CSMD1: variants seen among roughly 807,000 people sequenced by gnomAD.
CSMD1 encodes the protein CUB and Sushi multiple domains 1.
Under a neutral mutation model 417.5 loss-of-function variants are expected in CSMD1, and 213 were observed. The observed-to-expected ratio is 0.51, with a 90% CI of 0.46 to 0.57. The LOEUF (loss-of-function observed/expected upper bound fraction) is 0.57. CSMD1 is among the 20% of genes least tolerant of loss of function. The pLI, the probability that CSMD1 is intolerant of heterozygous loss-of-function variation, is 0.00. For missense variants in CSMD1, 6,923 were observed against 4,529.7 expected, an observed-to-expected ratio of 1.53 and a Z score of -15.17; for synonymous variants, 2,862 against 1,736.8, an observed-to-expected ratio of 1.65 and a Z score of -16.11.
At chr8:3,542,861 C>T (rs530318982) in intron 10 of CSMD1, among the ~76,000 whole-genome samples, 22 of 152,308 alleles carry the variant, frequency 1.4e-4, no homozygotes, top group African/African-American at 5.3e-4. Flanking sequence ...GAGCTGCTTT[C>T]CCGTGTCCCT....
At chr8:4,588,853 A>C (rs868587902) in intron 2 of CSMD1, among the ~76,000 whole-genome samples, 17 of 152,130 alleles carry the variant, frequency 1.1e-4, no homozygotes, top group Non-Finnish European at 2.2e-4. Flanking sequence ...GCTGCTGCTC[A>C]AGCTTCCACT....
intron 2 of CSMD1, among the ~76,000 whole-genome samples, chr8:4,626,354 A>C (rs1169302978): frequency 1.3e-5 from 2 of 151,756 alleles, no homozygotes; most frequent in Non-Finnish European, 2.9e-5. Flanking sequence ...TTTTAATGCT[A>C]CTGATTTCTA....
chr8:4,600,909 T>A (rs1460956149), intron 2 of CSMD1, among the ~76,000 whole-genome samples: 1 of 152,124 alleles, frequency 6.6e-6, no homozygotes, highest in African/African-American at 2.4e-5. Context: ...AAGAAAAATA[T>A]TAAAGTAATG....
chr8:3,372,902 T>A (rs187996045), intron 18 of CSMD1, among the ~76,000 whole-genome samples: 7 of 152,170 alleles, frequency 4.6e-5, no homozygotes, highest in Non-Finnish European at 1.5e-5. Flanking sequence ...CACCGCGTAG[T>A]GGGAAGAAAA....
intron 50 of CSMD1, among the ~76,000 whole-genome samples, chr8:3,042,609 T>A (rs1811174945): frequency 6.6e-6 from 1 of 152,108 alleles, no homozygotes; most frequent in African/African-American, 2.4e-5. Flanking sequence ...AAGGACCATC[T>A]TCAGTGCTGA....
At chr8:4,038,219 G>C (rs989973865) in intron 3 of CSMD1, among the ~76,000 whole-genome samples, 1 of 151,988 alleles carries the variant, frequency 6.6e-6, no homozygotes, top group African/African-American at 2.4e-5. Flanking sequence ...AAAAGTTTTT[G>C]TAAAAATTTT....
intron 12 of CSMD1, among the ~76,000 whole-genome samples, chr8:3,417,921 C>T (rs1813259574): frequency 6.6e-6 from 1 of 152,160 alleles, no homozygotes; most frequent in Admixed American, 6.5e-5. Context: ...ACAGCACAAC[C>T]CAGCACTTGG....
intron 58 of CSMD1, 87 bp downstream of exon 58, chr8:2,966,483 C>G: frequency 8.6e-7 from 1 of 1,157,460 alleles, no homozygotes; most frequent in Non-Finnish European, 1.2e-6. Context: ...AATAAAAAAA[C>G]AGTATAACAC....
intron 25 of CSMD1, among the ~76,000 whole-genome samples, chr8:3,299,625 A>G (rs1475216972): frequency 6.6e-6 from 1 of 152,138 alleles, no homozygotes; most frequent in Admixed American, 6.5e-5. Flanking sequence ...AAGTGTGGGA[A>G]GGCTCTTGTC....
chr8:4,342,949 A>G (rs1227658534), intron 3 of CSMD1, among the ~76,000 whole-genome samples: 1 of 152,106 alleles, frequency 6.6e-6, no homozygotes, highest in African/African-American at 2.4e-5. Flanking sequence ...TGTAAGTTTC[A>G]GACTCTGACA....
intron 37 of CSMD1, among the ~76,000 whole-genome samples, chr8:3,166,119 A>C (rs1820195848): frequency 6.6e-6 from 1 of 152,190 alleles, no homozygotes; most frequent in South Asian, 2.1e-4. Flanking sequence ...AACTGTGTAG[A>C]AGGTAAGCTT....
chr8:3,208,957 C>G (rs1168256480), intron 30 of CSMD1, among the ~76,000 whole-genome samples: 1 of 152,104 alleles, frequency 6.6e-6, no homozygotes, highest in South Asian at 2.1e-4. Flanking sequence ...AATAAACTCC[C>G]CTTTATATAT....
chr8:3,849,280 CACAG>C (rs1461282034), intron 5 of CSMD1, among the ~76,000 whole-genome samples: 1 of 152,046 alleles, frequency 6.6e-6, no homozygotes, highest in African/African-American at 2.4e-5. Flanking sequence ...TGTGAATGTG[CACAG>C]ACAAAGATAC....
chr8:3,501,152 G>A (rs919120553), intron 10 of CSMD1, among the ~76,000 whole-genome samples: 4 of 152,000 alleles, frequency 2.6e-5, no homozygotes, highest in African/African-American at 9.7e-5. Flanking sequence ...CAAATAGAGA[G>A]ACCACTTCTC....
intron 3 of CSMD1, among the ~76,000 whole-genome samples, chr8:4,345,028 C>G (rs1270968176): frequency 2.0e-5 from 3 of 152,032 alleles, no homozygotes; most frequent in Non-Finnish European, 4.4e-5. Flanking sequence ...AGCATCACAC[C>G]ATAACATCAA....
Position 3,792,367 on chromosome 8 carries a change from C to T in CSMD1, c.819-38325G>A, listed in dbSNP as rs544721830. On this transcript the variant is annotated intron_variant, in intron 5 of 69. Transcript: ENST00000635120. ...TGAACACCCACATGTACATTATGAT[C>T]ATTAATGTAGCCACTTCCTGCCTCA... Among the ~76,000 whole-genome samples the T allele has an allele frequency of 5.3e-5, 8 of 152,258 alleles. No homozygotes were observed. In the South Asian group the frequency reaches 1.7e-3, roughly 32 times the overall value.
chr8:4,678,169 A>C (rs1438978110), intron 1 of CSMD1, among the ~76,000 whole-genome samples: 1 of 152,042 alleles, frequency 6.6e-6, no homozygotes, highest in African/African-American at 2.4e-5. Context: ...CCAGTGCTTT[A>C]GGAGGCTGAG....
intron 3 of CSMD1, among the ~76,000 whole-genome samples, chr8:4,381,715 C>G (rs189937239): frequency 6.6e-6 from 1 of 152,164 alleles, no homozygotes; most frequent in Non-Finnish European, 1.5e-5. Context: ...AAAGTTCACG[C>G]TGCCGTGGAT....
chr8:4,956,185 G>T (rs1351790808), intron 1 of CSMD1, among the ~76,000 whole-genome samples: 1 of 151,896 alleles, frequency 6.6e-6, no homozygotes, highest in Admixed American at 6.5e-5. Flanking sequence ...TCTACTTGGG[G>T]CCACTGGAGA....
Sources: gnomAD v4.1 joint callset for allele counts (sites outside exome capture counted in the v4.1 genomes callset) on GRCh38, gnomAD v4.1.1 for gene constraint, MANE v1.5 for transcripts, NCBI Gene and HGNC (gene_info 2026-07-23, HGNC 2026-07-21) for gene names.